KRT15: variants seen among roughly 807,000 people sequenced by gnomAD.
KRT15 encodes the protein keratin 15.
A neutral mutation model predicts 46.6 loss-of-function variants in KRT15; 45 were observed. The ratio of observed to expected loss-of-function variants is 0.97; its 90% CI spans 0.76 to 1.24. KRT15 has a LOEUF of 1.24. KRT15 is among the 50% of genes most tolerant of loss of function. KRT15 has a pLI of 0.00. For missense variants in KRT15, 592 were observed against 588.9 expected (o/e 1.01, Z -0.05); for synonymous variants, 221 against 233.8 (o/e 0.95, Z 0.50).
rs755898924 is a variant in KRT15, at chr17:41,516,814, G to A, written c.732C>T (p.His244=). The change falls in exon 3 of 8, where the codon CAC becomes CAT. Residue 244 remains histidine (H), a synonymous_variant. Coordinates refer to ENST00000254043, the MANE Select transcript of KRT15 (RefSeq NM_002275.4). ...NEELAYLKKN[H]EEEMKEFSSQ... Reference sequence around the variant, plus strand: ...GATGGGGGCCAGCTCTCACCTCTTCGTGGTTCTTCTTCAGGTAGGCTAGCT... The same window carrying A: ...GATGGGGGCCAGCTCTCACCTCTTCATGGTTCTTCTTCAGGTAGGCTAGCT... 1.4e-5 allele frequency: 23 copies of A among 1,614,012 alleles called. No individual in the cohort carries two copies. The highest frequency in any genetic ancestry group is 1.1e-4 in the South Asian group (10 of 91,084).
chr17:41,515,741 C>A (rs955485386), intron 5 of KRT15, 49 bp from the exon 6 acceptor site: 10 of 1,603,084 alleles, frequency 6.2e-6, no homozygotes, highest in Non-Finnish European at 8.5e-6. Context: ...AAGGAAGCCA[C>A]TGAGGGCAAG....
In KRT15 at chr17:41,515,852, C is replaced by T. The variant is rs758225696; in HGVS notation, c.1026+33G>A. 3.3e-5 allele frequency: 53 copies of T among 1,613,640 alleles called. No individual in the cohort carries two copies. In the South Asian group the frequency reaches 4.2e-4, roughly 13 times the overall value. Reference sequence around the variant, plus strand: ...AGGAAGAGTGGGAGCTTCTACCACCCGAGAGGCTGGGATGGGGCGCGAGTG... The same window carrying T: ...AGGAAGAGTGGGAGCTTCTACCACCTGAGAGGCTGGGATGGGGCGCGAGTG... On this transcript the variant is annotated intron_variant, in intron 5 of 7. Transcript: ENST00000254043.
chr17:41,515,901 T>C lies in KRT15; in HGVS notation c.1010A>G (p.Gln337Arg). The C allele has an allele frequency of 6.2e-7, 1 of 1,614,094 alleles. No individual in the cohort carries two copies. ...TGGCCGTACCATGCTGAGCTGGGAC[T>C]GCAGCTCGATCTCCAGCTCCTGCAT... ...RTMQELEIELQSQLSMKAGLE... is the reference protein window; with the variant it reads ...RTMQELEIELRSQLSMKAGLE... The change falls in exon 5 of 8, where the codon CAG becomes CGG. Residue 337 changes from glutamine (Q) to arginine (R), a missense_variant. Coordinates refer to ENST00000254043, the MANE Select transcript of KRT15 (RefSeq NM_002275.4).
At chr17:41,515,023 C>A (rs1292442899) in intron 6 of KRT15, 1 of 291,340 alleles carries the variant, frequency 3.4e-6, no homozygotes, top group Non-Finnish European at 6.5e-6. Context: ...CCCGCCACCA[C>A]GCCCAGCTAA....
At chr17:41,517,261 C>T in intron 1 of KRT15, 96 bp from the exon 2 acceptor site, 2 of 1,066,642 alleles carry the variant, frequency 1.9e-6, no homozygotes, top group Non-Finnish European at 1.4e-6. Flanking sequence ...AAAATCACCC[C>T]TCACTGACAA....
chr17:41,516,199 C>T lies in KRT15; in HGVS notation c.805G>A (p.Val269Met), dbSNP rs747614837. ...TCTGCCAGCACACGGGTCAGGTCCA[C>T]ACCCGGTGCTGCGTCCATCTCCACA... ...VNVEMDAAPG[V>M]DLTRVLAEMR... The change falls in exon 4 of 8, where the codon GTG becomes ATG. Residue 269 changes from valine to methionine, a missense_variant. Coordinates refer to ENST00000254043, the MANE Select transcript of KRT15 (RefSeq NM_002275.4). 19 of 1,614,208 alleles carry T rather than the reference C, an allele frequency of 1.2e-5. No individual in the cohort carries two copies. Among genetic ancestry groups the T allele is most frequent in the Middle Eastern group, 3.3e-4 (2 of 6,062 alleles).
Position 41,518,824 on chromosome 17 carries a change from T to A in KRT15, c.4A>T (p.Thr2Ser), listed in dbSNP as rs1483219262. Residue 2 changes from threonine to serine, a missense_variant, in exon 1 of 8, where the codon ACC (threonine) becomes TCC (serine). Physicochemically the swap from Thr to Ser is moderately conservative, Grantham distance 58 (BLOSUM62 1). Transcript: ENST00000254043. M[T>S]TTFLQTSSST... ...GAAGAAGTTTGCAGAAATGTGGTGGTCATGGCCAGGTAGCTGGAGCCCGTG... is the reference window on the plus strand; with the variant it reads ...GAAGAAGTTTGCAGAAATGTGGTGGACATGGCCAGGTAGCTGGAGCCCGTG... The A allele has an allele frequency of 6.5e-7, 1 of 1,529,006 alleles. No homozygotes were observed. The highest frequency in any genetic ancestry group is 1.3e-5 in the South Asian group (1 of 75,910). The allele number at this position is 1,529,006 out of a possible 1,614,324, so 94.7% of individuals were successfully genotyped here.
At chr17:41,517,841 T>A (rs1017187614) in intron 1 of KRT15, among the ~76,000 whole-genome samples, 9 of 152,184 alleles carry the variant, frequency 5.9e-5, no homozygotes, top group African/African-American at 1.9e-4. Flanking sequence ...GAATACTTTA[T>A]GCAGAAGCCT....
chr17:41,515,926 T>C lies in KRT15; in HGVS notation c.985A>G (p.Met329Val), dbSNP rs1905339444. The C allele has an allele frequency of 1.2e-6, 2 of 1,614,050 alleles. No homozygotes were observed. The highest frequency in any genetic ancestry group is 1.7e-5 in the Admixed American group (1 of 60,012). Residue 329 changes from methionine (M) to valine (V), a missense_variant, in exon 5 of 8, where the codon ATG (methionine) becomes GTG (valine). By Grantham distance (21) the Met-to-Val change is conservative (BLOSUM62 1). Transcript: ENST00000254043. ...KTEITDLRRT[M>V]QELEIELQSQ... ...TGCAGCTCGATCTCCAGCTCCTGCA[T>C]CGTGCGTCTCAGGTCTGTGATCTCC... is the stretch of plus-strand genomic sequence containing the variant.
intron 4 of KRT15, 33 bp downstream of exon 4, chr17:41,516,071 G>A: frequency 6.2e-7 from 1 of 1,614,122 alleles, no homozygotes; most frequent in Non-Finnish European, 8.5e-7. Context: ...AGGGACCTGG[G>A]GCAGGAAGGG....
chr17:41,517,218 C>T (rs1319794321), intron 1 of KRT15, 53 bp from the exon 2 acceptor site: 1 of 1,480,990 alleles, frequency 6.8e-7, no homozygotes, highest in Admixed American at 1.7e-5. Context: ...CCCTGCTGCT[C>T]TCTGCTCTGC....
At chr17:41,515,276 C>G in intron 6 of KRT15, 196 bp downstream of exon 6, 1 of 593,130 alleles carries the variant, frequency 1.7e-6, no homozygotes, top group South Asian at 2.0e-5. Context: ...AAACACGGAT[C>G]CAGAGAGAGG....
At chr17:41,517,443 G>A (rs1841978798) in intron 1 of KRT15, 4 of 455,960 alleles carry the variant, frequency 8.8e-6, no homozygotes, top group Non-Finnish European at 1.2e-5. Context: ...AGTATTGCCT[G>A]TGGGAATTGG....
At position 41,518,508 on chromosome 17, in the gene KRT15, A is replaced by G; in HGVS notation, c.320T>C (p.Ile107Thr). The change falls in exon 1 of 8, where the codon ATT becomes ACT. Residue 107 changes from isoleucine to threonine, a missense_variant. By Grantham distance (89) the Ile-to-Thr change is moderately conservative (BLOSUM62 -1). Coordinates refer to ENST00000254043, the MANE Select transcript of KRT15 (RefSeq NM_002275.4). ...DGGLLSGNEK[I>T]TMQNLNDRLA... ...GCGGTCATTGAGGTTCTGCATGGTA[A>G]TTTTCTCATTGCCAGAGAGGAGACC... The G allele has an allele frequency of 6.2e-7, 1 of 1,613,656 alleles. No individual in the cohort carries two copies. The highest frequency in any genetic ancestry group is 8.5e-7 in the Non-Finnish European group (1 of 1,179,920).
At position 41,513,997 on chromosome 17, in the gene KRT15, A is replaced by C. The variant is rs766239855; in HGVS notation, c.*26T>G. 3.9e-6 allele frequency: 6 copies of C among 1,545,846 alleles called. No homozygotes were observed. The highest frequency in any genetic ancestry group is 5.4e-6 in the Non-Finnish European group (6 of 1,117,884). The stretch of plus-strand genomic sequence containing the variant: ...GGCCTGATGAGAGTGGGGAGTGGCA[A>C]GGGACGTTTCTCCTGCAATAGACAC... On this transcript the variant is annotated 3_prime_UTR_variant, in exon 8 of 8. Transcript: ENST00000254043.
chr17:41,517,043 G>T (rs756215905), intron 2 of KRT15, 40 bp downstream of exon 2: 21 of 1,613,956 alleles, frequency 1.3e-5, no homozygotes, highest in Non-Finnish European at 1.8e-5. Context: ...GCCAAGTAAA[G>T]TGGGCAATGC....
At chr17:41,514,844 C>A (rs1018104759) in intron 6 of KRT15, 170 bp from the exon 7 acceptor site, 3 of 592,746 alleles carry the variant, frequency 5.1e-6, no homozygotes, top group South Asian at 2.3e-5. Flanking sequence ...GGCCTGCTAT[C>A]CCCAAGTAGA....
At position 41,514,185 on chromosome 17, in the gene KRT15, C is replaced by T. The variant is rs1031555890; in HGVS notation, c.1274-65G>A. 13 of 1,287,918 alleles carry T rather than the reference C, an allele frequency of 1.0e-5. No individual in the cohort carries two copies. In the African/African-American group the frequency reaches 1.5e-4, roughly 14 times the overall value. The allele number at this position is 1,287,918 out of a possible 1,614,324, so 79.8% of individuals were successfully genotyped here. The stretch of plus-strand genomic sequence containing the variant: ...CCCCGCTCTGCCACGGTGGCCAGGA[C>T]CTTGGCGGGGCTCTGGGAAAACTAG... On this transcript the variant is annotated intron_variant, in intron 7 of 7. Transcript: ENST00000254043.
At chr17:41,514,614 C>G (rs746720298) in intron 7 of KRT15, 35 bp downstream of exon 7, 1 of 1,606,988 alleles carries the variant, frequency 6.2e-7, no homozygotes, top group East Asian at 2.2e-5. Flanking sequence ...CATCTCCCCT[C>G]CCCACCCCAC....
Sources: gnomAD v4.1 joint callset for allele counts (sites outside exome capture counted in the v4.1 genomes callset) on GRCh38, gnomAD v4.1.1 for gene constraint, MANE v1.5 for transcripts, NCBI Gene and HGNC (gene_info 2026-07-23, HGNC 2026-07-21) for gene names.